The following ADAMTSL1 variants were observed in gnomAD, a reference collection of about 807,000 sequenced individuals.
ADAMTSL1 encodes the protein ADAMTS like 1, also known as ADAMTS-like protein 1.
Under a neutral mutation model 201.8 loss-of-function variants are expected in ADAMTSL1, and 126 were observed. The observed-to-expected ratio is 0.62, with a 90% CI of 0.54 to 0.72. The LOEUF is 0.72. Ranked by LOEUF, ADAMTSL1 falls within the 30% of genes least tolerant of loss-of-function variation. The probability of loss-of-function intolerance (pLI) is 0.00; values close to 1 mark genes in which losing one functional copy is unlikely to be tolerated. For missense variants in ADAMTSL1, 2,679 were observed against 2,277.8 expected (o/e 1.18, Z -3.59); for synonymous variants, 1,121 against 903.4 (o/e 1.24, Z -4.32).
Position 18,099,356 on chromosome 9 carries a change from T to TATATATATATATATATATATATATA in ADAMTSL1, c.88-64506_88-64505insATATATATATATATATATATATATA, listed in dbSNP as rs60877701. ...ATATATATATATATATATATATATA[T>TATATATATATATATATATATATATA]TTTTTTTTTTTTTTTTAACATCCAT... On this transcript the variant is annotated intron_variant, in intron 1 of 29. Transcript: ENST00000680146. 1.3e-3 allele frequency among the ~76,000 whole-genome samples: 52 copies of TATATATATATATATATATATATATA among 39,604 alleles called. 1 individual carries two copies. The highest frequency in any genetic ancestry group is 1.8e-3 in the South Asian group (2 of 1,100). 26.0% of individuals were successfully genotyped at this position (39,604 alleles called of 152,430 possible).
rs528810651 is a variant in ADAMTSL1, at chr9:18,126,460, C to T, written c.88-37402C>T. 4.6e-5 allele frequency among the ~76,000 whole-genome samples: 7 copies of T among 152,280 alleles called. No individual in the cohort carries two copies. In the East Asian group the frequency reaches 5.8e-4, roughly 13 times the overall value. On this transcript the variant is annotated intron_variant, in intron 1 of 29. Transcript: ENST00000680146. ...CTATATGCTTTCAAAGCCCCTTTGG[C>T]GTTGTCTTTATCACACTGTACTGCA...
At chr9:18,063,117 C>T (rs1281036200) in intron 1 of ADAMTSL1, among the ~76,000 whole-genome samples, 3 of 152,030 alleles carry the variant, frequency 2.0e-5, no homozygotes, top group Admixed American at 1.3e-4. Flanking sequence ...TTGCTTGAGG[C>T]CAGGAGTTCA....
intron 1 of ADAMTSL1, among the ~76,000 whole-genome samples, chr9:18,157,629 C>G (rs1405658879): frequency 6.6e-6 from 1 of 152,014 alleles, no homozygotes; most frequent in East Asian, 1.9e-4. Context: ...CTTCTTTCAG[C>G]TCTAACCTCT....
intron 2 of ADAMTSL1, among the ~76,000 whole-genome samples, chr9:18,256,523 G>C (rs1487695539): frequency 6.6e-6 from 1 of 152,198 alleles, no homozygotes; most frequent in South Asian, 2.1e-4. Flanking sequence ...CACTATCCTA[G>C]ATGTTAGATG....
intron 2 of ADAMTSL1, among the ~76,000 whole-genome samples, chr9:18,514,332 T>C (rs991394601): frequency 9.1e-4 from 125 of 137,760 alleles, no homozygotes; most frequent in Non-Finnish European, 1.6e-3. Flanking sequence ...TCTTTCTTTT[T>C]TTTTTTTTTT....
intron 2 of ADAMTSL1, among the ~76,000 whole-genome samples, chr9:18,352,254 GAAAC>G (rs745703482): frequency 1.2e-4 from 19 of 152,154 alleles, no homozygotes; most frequent in Admixed American, 1.1e-3. Flanking sequence ...TTTGGAAAAG[GAAAC>G]AAACAGTGAA....
chr9:18,737,169 A>C (rs183133639), intron 15 of ADAMTSL1, among the ~76,000 whole-genome samples: 16 of 152,112 alleles, frequency 1.1e-4, no homozygotes, highest in African/African-American at 3.9e-4. Flanking sequence ...AAATACAAAA[A>C]TTAGCCGGGC....
chr9:18,460,021 G>C (rs1820749795), intron 2 of ADAMTSL1, among the ~76,000 whole-genome samples: 1 of 152,132 alleles, frequency 6.6e-6, no homozygotes, highest in Admixed American at 6.5e-5. Flanking sequence ...AATAGACATA[G>C]TAACAGGAAA....
intron 13 of ADAMTSL1, among the ~76,000 whole-genome samples, chr9:18,697,809 T>C (rs1831647582): frequency 6.6e-6 from 1 of 152,178 alleles, no homozygotes; most frequent in South Asian, 2.1e-4. Context: ...GTGGAGAAGA[T>C]TGGAAGACGA....
chr9:18,795,635 C>A, intron 20 of ADAMTSL1, 111 bp downstream of exon 20: 1 of 1,183,586 alleles, frequency 8.4e-7, no homozygotes, highest in Non-Finnish European at 1.2e-6. Context: ...CAGATCCCAT[C>A]TTCAGGGAGT....
intron 23 of ADAMTSL1, among the ~76,000 whole-genome samples, chr9:18,864,053 T>C (rs1462113687): frequency 6.6e-6 from 1 of 152,236 alleles, no homozygotes; most frequent in African/African-American, 2.4e-5. Context: ...ACATCTTTCA[T>C]ACTTTTACAC....
chr9:18,326,649 T>G (rs1005703935), intron 2 of ADAMTSL1, among the ~76,000 whole-genome samples: 1 of 152,216 alleles, frequency 6.6e-6, no homozygotes, highest in Non-Finnish European at 1.5e-5. Context: ...ACATTCCTCT[T>G]GAGTAATGGA....
chr9:18,861,595 C>T (rs1364789943), intron 23 of ADAMTSL1, among the ~76,000 whole-genome samples: 1 of 152,204 alleles, frequency 6.6e-6, no homozygotes, highest in East Asian at 1.9e-4. Flanking sequence ...AGACAAATAG[C>T]AGGCATTTGG....
chr9:18,242,978 A>C (rs1831125944), intron 2 of ADAMTSL1, among the ~76,000 whole-genome samples: 1 of 152,166 alleles, frequency 6.6e-6, no homozygotes, highest in African/African-American at 2.4e-5. Flanking sequence ...CATTTTTACA[A>C]AAATAAGACA....
intron 3 of ADAMTSL1, among the ~76,000 whole-genome samples, chr9:18,566,779 A>G (rs1178658633): frequency 6.6e-6 from 1 of 152,162 alleles, no homozygotes; most frequent in African/African-American, 2.4e-5. Context: ...GGGCTCTCAT[A>G]AGACCATTCT....
intron 2 of ADAMTSL1, among the ~76,000 whole-genome samples, chr9:18,233,471 G>T (rs1830719845): frequency 6.6e-6 from 1 of 152,070 alleles, no homozygotes. Flanking sequence ...AGAATCAAAA[G>T]ATAGCTTACT....
At chr9:18,009,518 T>G (rs1819966829) in intron 1 of ADAMTSL1, among the ~76,000 whole-genome samples, 1 of 152,040 alleles carries the variant, frequency 6.6e-6, no homozygotes, top group South Asian at 2.1e-4. Context: ...CTTTGCTGTT[T>G]CAGTGACAAG....
At chr9:18,016,689 T>A (rs1316238092) in intron 1 of ADAMTSL1, among the ~76,000 whole-genome samples, 1 of 152,064 alleles carries the variant, frequency 6.6e-6, no homozygotes, top group Non-Finnish European at 1.5e-5. Flanking sequence ...GAATCTCCCA[T>A]GTCCCATCAA....
chr9:18,280,876 T>G (rs970397357), intron 2 of ADAMTSL1, among the ~76,000 whole-genome samples: 1 of 150,066 alleles, frequency 6.7e-6, no homozygotes, highest in African/African-American at 2.4e-5. Flanking sequence ...CATTCCGCTT[T>G]TTTTTTTTTT....
Sources: gnomAD v4.1 joint callset for allele counts (sites outside exome capture counted in the v4.1 genomes callset) on GRCh38, gnomAD v4.1.1 for gene constraint, MANE v1.5 for transcripts, NCBI Gene and HGNC (gene_info 2026-07-23, HGNC 2026-07-21) for gene names.